The following CDC45 variants were observed in gnomAD, a reference collection of about 807,000 sequenced individuals.
CDC45 encodes the protein cell division cycle 45, also known as cell division control protein 45 homolog.
CDC45 carries 54 observed loss-of-function variants against 77.8 expected under a neutral mutation model. That is an observed-to-expected ratio of 0.69 (90% confidence interval 0.56 to 0.87). CDC45 has a LOEUF of 0.87. Among genes scored for constraint, CDC45 ranks in the 40% least tolerant of loss-of-function variants. The pLI, the probability that CDC45 is intolerant of heterozygous loss-of-function variation, is 0.00. For missense variants in CDC45, 649 were observed against 721.6 expected, an observed-to-expected ratio of 0.90 and a Z score of 1.15; for synonymous variants, 260 against 272.1, an observed-to-expected ratio of 0.96 and a Z score of 0.44.
At chr22:19,507,579 C>G (rs890551131) in intron 11 of CDC45, 62 bp downstream of exon 11, 23 of 1,602,508 alleles carry the variant, frequency 1.4e-5, no homozygotes, top group East Asian at 2.2e-5. Flanking sequence ...AAAAGCCCCT[C>G]TGCTTTGTTG....
rs1274928315 is a variant in CDC45 at position 19,483,865 on chromosome 22, A to G, written c.346A>G (p.Lys116Glu). ...VVNVYNDTQI[K>E]LLIKQDDDLE... ...TTCCTTTTTGTTTTGAACTTAGATC[A>G]AATTACTCATTAAACAAGATGATGA... The change falls in exon 5 of 19, where the codon AAA (lysine) becomes GAA (glutamate). Residue 116 changes from lysine to glutamate, a missense_variant. Transcript: ENST00000263201. The G allele has an allele frequency of 1.9e-6, 3 of 1,612,082 alleles. No individual in the cohort carries two copies. The highest frequency in any genetic ancestry group is 2.2e-5 in the East Asian group (1 of 44,886).
At chr22:19,515,897 C>T (rs771754806) in intron 15 of CDC45, among the ~76,000 whole-genome samples, 13 of 152,208 alleles carry the variant, frequency 8.5e-5, no homozygotes, top group Admixed American at 3.3e-4. Context: ...ACCACCTGCC[C>T]GGCCCTGTTG....
At chr22:19,513,393 CAT>C (rs547451122) in intron 13 of CDC45, among the ~76,000 whole-genome samples, 113 of 152,332 alleles carry the variant, frequency 7.4e-4, no homozygotes, top group African/African-American at 2.6e-3. Context: ...CAGAGACAAT[CAT>C]GTGTAGTAAT....
chr22:19,482,126 A>G (rs2089993135), intron 3 of CDC45, among the ~76,000 whole-genome samples: 1 of 152,208 alleles, frequency 6.6e-6, no homozygotes, highest in Non-Finnish European at 1.5e-5. Flanking sequence ...GGGATGGGAC[A>G]TGGAAGAGGG....
chr22:19,489,501 C>T (rs1054244938), intron 5 of CDC45, among the ~76,000 whole-genome samples: 1 of 152,036 alleles, frequency 6.6e-6, no homozygotes, highest in South Asian at 2.1e-4. Flanking sequence ...AGTATGTAGC[C>T]TTTTGGGATT....
chr22:19,486,432 A>G (rs1007960774), intron 5 of CDC45, among the ~76,000 whole-genome samples: 3 of 152,224 alleles, frequency 2.0e-5, no homozygotes, highest in African/African-American at 4.8e-5. Context: ...GTCTTAACCT[A>G]GAACCATACC....
intron 10 of CDC45, 79 bp from the exon 11 acceptor site, chr22:19,507,307 G>A (rs1933247470): frequency 2.6e-6 from 4 of 1,552,706 alleles, no homozygotes; most frequent in Admixed American, 3.5e-5. Flanking sequence ...CCCGCCATCA[G>A]AGTGGCCCAC....
intron 9 of CDC45, among the ~76,000 whole-genome samples, chr22:19,502,422 C>T (rs1238901744): frequency 6.6e-6 from 1 of 152,222 alleles, no homozygotes; most frequent in Non-Finnish European, 1.5e-5. Context: ...TATGAGCACT[C>T]ATTTATTTAT....
At chr22:19,482,410 T>C (rs1460292871) in intron 3 of CDC45, among the ~76,000 whole-genome samples, 3 of 152,272 alleles carry the variant, frequency 2.0e-5, no homozygotes, top group Non-Finnish European at 4.4e-5. Flanking sequence ...AGTCTTGGTC[T>C]GCTCCTCATT....
chr22:19,501,216 A>C (rs923955651), intron 9 of CDC45, among the ~76,000 whole-genome samples: 3 of 151,926 alleles, frequency 2.0e-5, no homozygotes, highest in African/African-American at 7.3e-5. Flanking sequence ...AAAATTATGG[A>C]GAGCCTACCT....
chr22:19,480,352 C>G lies in CDC45; in HGVS notation c.111+135C>G, dbSNP rs528571675. ...GAGAGGGAGCAGGGCAGGAGGTGAA[C>G]AGCAAGTGAGAGGAGAGAGACTCGG... is the stretch of plus-strand genomic sequence containing the variant. On this transcript the variant is annotated intron_variant, in intron 2 of 18. Transcript: ENST00000263201. 4 of 820,682 alleles carry G rather than the reference C, an allele frequency of 4.9e-6. No individual in the cohort carries two copies. In the African/African-American group the frequency reaches 5.0e-5, roughly 10 times the overall value. The allele number at this position is 820,682 out of a possible 1,614,324, so 50.8% of individuals were successfully genotyped here. A position where few individuals can be genotyped will look rare whatever the true frequency, so the allele number is the denominator to read the frequency against.
intron 5 of CDC45, among the ~76,000 whole-genome samples, chr22:19,487,565 G>T (rs1185372498): frequency 6.6e-6 from 1 of 151,218 alleles, no homozygotes; most frequent in Non-Finnish European, 1.5e-5. Flanking sequence ...TTATTAATAA[G>T]GGTGCACATT....
chr22:19,502,814 T>C (rs1932949926), intron 9 of CDC45, among the ~76,000 whole-genome samples: 1 of 152,176 alleles, frequency 6.6e-6, no homozygotes, highest in South Asian at 2.1e-4. Context: ...CAAAACAAAA[T>C]CTCCAAGTAG....
At chr22:19,491,093 C>G (rs5993651) in intron 5 of CDC45, among the ~76,000 whole-genome samples, 54,447 of 152,042 alleles carry the variant, frequency 0.36, 11,879 homozygotes, top group Non-Finnish European at 0.48. Flanking sequence ...TCCCAAAGTG[C>G]TGGAATTACA....
At chr22:19,507,693 T>A in intron 11 of CDC45, 73 bp from the exon 12 acceptor site, 6 of 1,394,130 alleles carry the variant, frequency 4.3e-6, no homozygotes, top group Non-Finnish European at 6.0e-6. Context: ...TCGCTTGCCC[T>A]TGGTTTGGGT....
chr22:19,506,556 G>A (rs966452782), intron 10 of CDC45, among the ~76,000 whole-genome samples: 2 of 152,138 alleles, frequency 1.3e-5, no homozygotes, highest in Non-Finnish European at 1.5e-5. Flanking sequence ...CTCTCGTCCT[G>A]TAGAGGGGAA....
At chr22:19,505,271 G>A (rs1933100273) in intron 9 of CDC45, 91 bp from the exon 10 acceptor site, 6 of 1,496,940 alleles carry the variant, frequency 4.0e-6, no homozygotes, top group Non-Finnish European at 5.6e-6. Context: ...GGCCCCTGAG[G>A]AAGGCCTTGA....
rs144552332 is a variant in CDC45, at chr22:19,494,058, C to T, written c.487-269C>T. Among the ~76,000 whole-genome samples, 511 of 152,270 alleles carry T rather than the reference C, an allele frequency of 3.4e-3. 18 individuals are homozygous for T. Among genetic ancestry groups the T allele is most frequent in the East Asian group, 8.1e-3 (42 of 5,162 alleles). The stretch of plus-strand genomic sequence containing the variant: ...TGACAGCAGCTAGGGTGGATGAACA[C>T]AGTTTTGCCTGGAGCAGGTGCTTGG... On this transcript the variant is annotated intron_variant, in intron 5 of 18. Transcript: ENST00000263201.
At chr22:19,483,517 T>G (rs2090017415) in intron 4 of CDC45, among the ~76,000 whole-genome samples, 1 of 152,224 alleles carries the variant, frequency 6.6e-6, no homozygotes, top group Admixed American at 6.5e-5. Context: ...CATCTTCATG[T>G]CCTATATCAG....
Sources: allele counts gnomAD v4.1 joint callset (sites outside exome capture counted in the v4.1 genomes callset), GRCh38; gene constraint gnomAD v4.1.1; transcripts MANE v1.5; gene names NCBI Gene and HGNC (gene_info 2026-07-23, HGNC 2026-07-21).